The following ASIC2 variants were observed in gnomAD, a reference collection of about 807,000 sequenced individuals.
ASIC2 encodes acid-sensing ion channel 2.
ASIC2 carries 25 observed loss-of-function variants against 57.3 expected under a neutral mutation model. The ratio of observed to expected loss-of-function variants is 0.44; its 90% CI spans 0.32 to 0.61. The LOEUF is 0.61. ASIC2 is among the 20% of genes least tolerant of loss of function. ASIC2 has a pLI of 0.06. For missense variants in ASIC2, 641 were observed against 738.1 expected (o/e 0.87, Z 1.52); for synonymous variants, 319 against 307.5 (o/e 1.04, Z -0.39).
intron 1 of ASIC2, among the ~76,000 whole-genome samples, chr17:33,688,473 A>G (rs1908264316): frequency 1.3e-5 from 2 of 152,090 alleles, no homozygotes; most frequent in Non-Finnish European, 2.9e-5. Context: ...GATGTACTTA[A>G]TGGAGCAGGA....
At chr17:33,204,030 G>A (rs1017654567) in intron 1 of ASIC2, among the ~76,000 whole-genome samples, 2 of 152,210 alleles carry the variant, frequency 1.3e-5, no homozygotes, top group African/African-American at 4.8e-5. Flanking sequence ...CATCTAGCTC[G>A]TGATCCTTGT....
At position 33,163,200 on chromosome 17, in the gene ASIC2, C is replaced by T. The variant is rs530073641; in HGVS notation, c.709-51133G>A. Among the ~76,000 whole-genome samples, 200 of 152,286 alleles carry T rather than the reference C, an allele frequency of 1.3e-3. 1 individual carries two copies. Among genetic ancestry groups the T allele is most frequent in the Non-Finnish European group, 2.4e-3 (163 of 68,010 alleles). ...GAATCTGAGTGTTAGAAAGGGCTCTCCTAGGCCGTCTCCAAGACAAGGAGC... is the reference window on the plus strand; with the variant it reads ...GAATCTGAGTGTTAGAAAGGGCTCTTCTAGGCCGTCTCCAAGACAAGGAGC... On this transcript the variant is annotated intron_variant, in intron 1 of 9. Coordinates refer to ENST00000225823, the MANE Select transcript of ASIC2 (RefSeq NM_183377.2).
intron 1 of ASIC2, among the ~76,000 whole-genome samples, chr17:33,493,843 C>T (rs1422474394): frequency 1.3e-5 from 2 of 152,198 alleles, no homozygotes; most frequent in African/African-American, 2.4e-5. Flanking sequence ...AAGGATGAGT[C>T]GCTCCAGGAT....
intron 7 of ASIC2, among the ~76,000 whole-genome samples, chr17:33,019,475 G>A (rs904800218): frequency 1.3e-5 from 2 of 152,014 alleles, no homozygotes; most frequent in African/African-American, 2.4e-5. Flanking sequence ...CTGGACCACC[G>A]TGGGTGCATG....
intron 1 of ASIC2, among the ~76,000 whole-genome samples, chr17:33,554,093 G>T (rs1362788071): frequency 3.3e-5 from 5 of 152,234 alleles, no homozygotes; most frequent in Non-Finnish European, 5.9e-5. Flanking sequence ...GGGCAGCCAT[G>T]AAGACCCAAT....
At chr17:33,374,414 G>T (rs547120108) in intron 1 of ASIC2, among the ~76,000 whole-genome samples, 1 of 152,084 alleles carries the variant, frequency 6.6e-6, no homozygotes, top group South Asian at 2.1e-4. Flanking sequence ...CAGTGCACGA[G>T]GATGGTTTTC....
chr17:34,085,396 T>C (rs1910072566), intron 1 of ASIC2, among the ~76,000 whole-genome samples: 1 of 152,240 alleles, frequency 6.6e-6, no homozygotes, highest in African/African-American at 2.4e-5. Context: ...GCCCACTTGA[T>C]CATGGTGGAT....
At chr17:33,548,897 T>C (rs530579436) in intron 1 of ASIC2, among the ~76,000 whole-genome samples, 1 of 152,246 alleles carries the variant, frequency 6.6e-6, no homozygotes, top group East Asian at 1.9e-4. Context: ...TTCAAATGAC[T>C]TCTCAGAGGG....
At chr17:33,166,723 C>T (rs1357364128) in intron 1 of ASIC2, among the ~76,000 whole-genome samples, 3 of 152,204 alleles carry the variant, frequency 2.0e-5, no homozygotes, top group Admixed American at 1.3e-4. Flanking sequence ...ACAGGCAGAG[C>T]CCAGAACCTG....
chr17:33,443,580 A>AT (rs58596344), intron 1 of ASIC2, among the ~76,000 whole-genome samples: 3 of 144,464 alleles, frequency 2.1e-5, no homozygotes, highest in Non-Finnish European at 3.0e-5. Context: ...CGCCCGGCTA[A>AT]TTTTTTTTTG....
intron 1 of ASIC2, among the ~76,000 whole-genome samples, chr17:33,195,910 G>T (rs1906607507): frequency 6.6e-6 from 1 of 152,158 alleles, no homozygotes; most frequent in Non-Finnish European, 1.5e-5. Context: ...ATTCCTCTAA[G>T]CCTCAGTTTC....
chr17:33,335,598 G>A (rs1468103117), intron 1 of ASIC2, among the ~76,000 whole-genome samples: 1 of 152,122 alleles, frequency 6.6e-6, no homozygotes, highest in Admixed American at 6.6e-5. Flanking sequence ...CCATATGCGT[G>A]GGGACTTACA....
At chr17:33,025,879 C>T (rs748473782) in intron 5 of ASIC2, 47 bp downstream of exon 5, 1 of 1,534,406 alleles carries the variant, frequency 6.5e-7, no homozygotes, top group Non-Finnish European at 8.8e-7. Flanking sequence ...TGATCTCAGT[C>T]TCAGGCCCCC....
At chr17:33,848,877 A>G (rs1157733632) in intron 1 of ASIC2, among the ~76,000 whole-genome samples, 2 of 152,230 alleles carry the variant, frequency 1.3e-5, no homozygotes, top group African/African-American at 4.8e-5. Flanking sequence ...TTATATGCAC[A>G]TATCTATTTT....
chr17:33,345,463 C>T (rs1236561130), intron 1 of ASIC2, among the ~76,000 whole-genome samples: 1 of 152,072 alleles, frequency 6.6e-6, no homozygotes, highest in Admixed American at 6.5e-5. Flanking sequence ...GGAGGCTGGG[C>T]TCCCTTAAGA....
At chr17:33,396,973 CCTG>C (rs1251137106) in intron 1 of ASIC2, among the ~76,000 whole-genome samples, 1 of 152,182 alleles carries the variant, frequency 6.6e-6, no homozygotes, top group African/African-American at 2.4e-5. Context: ...CCCTCCCCTA[CCTG>C]TTGAATTCTG....
intron 1 of ASIC2, among the ~76,000 whole-genome samples, chr17:33,148,480 C>T (rs951431790): frequency 6.6e-6 from 1 of 152,222 alleles, no homozygotes; most frequent in Non-Finnish European, 1.5e-5. Flanking sequence ...ATCAATGCAT[C>T]ATTTCCAAAG....
At chr17:33,918,070 T>C (rs908980066) in intron 1 of ASIC2, among the ~76,000 whole-genome samples, 6 of 152,244 alleles carry the variant, frequency 3.9e-5, no homozygotes, top group African/African-American at 1.4e-4. Flanking sequence ...TGTGCTTAAG[T>C]AAGGATGGAC....
chr17:33,238,726 C>T (rs1908390302), intron 1 of ASIC2, among the ~76,000 whole-genome samples: 1 of 152,184 alleles, frequency 6.6e-6, no homozygotes, highest in Admixed American at 6.5e-5. Context: ...ACAAGGCTCA[C>T]TAATTCCCTT....
Sources: allele counts gnomAD v4.1 joint callset (sites outside exome capture counted in the v4.1 genomes callset), GRCh38; gene constraint gnomAD v4.1.1; transcripts MANE v1.5; gene names NCBI Gene and HGNC (gene_info 2026-07-23, HGNC 2026-07-21).